The following DOT1L variants were observed in gnomAD, a reference collection of about 807,000 sequenced individuals.
DOT1L encodes the protein histone-lysine N-methyltransferase, H3 lysine-79 specific.
A neutral mutation model predicts 153.3 loss-of-function variants in DOT1L; 33 were observed. That is an observed-to-expected ratio of 0.22 (90% confidence interval 0.16 to 0.29). The LOEUF is 0.29. Among genes scored for constraint, DOT1L ranks in the 10% least tolerant of loss-of-function variants. DOT1L has a pLI of 1.00. For missense variants in DOT1L, 1,847 were observed against 2,119.9 expected, an observed-to-expected ratio of 0.87 and a Z score of 2.53; for synonymous variants, 1,135 against 965.1, an observed-to-expected ratio of 1.18 and a Z score of -3.26.
chr19:2,176,196 G>T (rs1324301436), intron 1 of DOT1L, among the ~76,000 whole-genome samples: 1 of 152,142 alleles, frequency 6.6e-6, no homozygotes, highest in Non-Finnish European at 1.5e-5. Flanking sequence ...ACCTGGTGAA[G>T]TCTGCACAAA....
chr19:2,214,463 C>T lies in DOT1L; in HGVS notation c.1798-8C>T, dbSNP rs1363136429. On this transcript the variant is annotated splice_region_variant and splice_polypyrimidine_tract_variant and intron_variant, in intron 18 of 27. Transcript: ENST00000398665. ...CCAGTCGCAACTGTCCCATCCCTAT[C>T]CCCTCAGCTCAAGGCTCGCTGCGAG... 1.2e-6 allele frequency: 2 copies of T among 1,612,368 alleles called. No individual in the cohort carries two copies. The highest frequency in any genetic ancestry group is 1.3e-5 in the African/African-American group (1 of 74,946).
intron 9 of DOT1L, among the ~76,000 whole-genome samples, chr19:2,205,549 A>G (rs1486112430): frequency 6.6e-6 from 1 of 152,118 alleles, no homozygotes; most frequent in Non-Finnish European, 1.5e-5. Flanking sequence ...TTTATCACTG[A>G]CAGTCAGTTA....
intron 2 of DOT1L, among the ~76,000 whole-genome samples, chr19:2,181,093 C>T (rs1179981448): frequency 1.3e-5 from 2 of 152,194 alleles, no homozygotes; most frequent in East Asian, 3.8e-4. Flanking sequence ...TGTCTGTGCC[C>T]CATGGGTGCA....
At chr19:2,165,251 C>T (rs1222074972) in intron 1 of DOT1L, among the ~76,000 whole-genome samples, 2 of 148,246 alleles carry the variant, frequency 1.3e-5, no homozygotes, top group Non-Finnish European at 3.0e-5. Flanking sequence ...CTGCAGGGCC[C>T]GGCCGGGCAT....
In DOT1L at chr19:2,217,205, G is replaced by A; in HGVS notation, c.2544+115G>A. On this transcript the variant is annotated intron_variant, in intron 21 of 27. Coordinates refer to ENST00000398665, the MANE Select transcript of DOT1L (RefSeq NM_032482.3). The surrounding 1 kb of genome is among the most constrained non-coding windows in gnomAD (Gnocchi z 7.3). ...GACCTTGGGGCACGGTGAGGTACTG[G>A]GGCTGACCTGGAGTAGGATGTTGTG... 4 of 1,364,234 alleles carry A rather than the reference G, an allele frequency of 2.9e-6. No individual in the cohort carries two copies. The highest frequency in any genetic ancestry group is 3.9e-6 in the Non-Finnish European group (4 of 1,035,042). The allele number at this position is 1,364,234 out of a possible 1,614,324, so 84.5% of individuals were successfully genotyped here.
intron 1 of DOT1L, among the ~76,000 whole-genome samples, chr19:2,178,511 G>A (rs1277635177): frequency 6.7e-6 from 1 of 148,556 alleles, no homozygotes; most frequent in African/African-American, 2.5e-5. Flanking sequence ...TCCGCTTCCC[G>A]GGTTCACGCC....
chr19:2,213,487 G>A, intron 16 of DOT1L, 52 bp from the exon 17 acceptor site: 2 of 1,581,804 alleles, frequency 1.3e-6, no homozygotes, highest in South Asian at 1.1e-5. Context: ...CTCCCTGTGG[G>A]CCCTCAGTCA....
At chr19:2,203,360 G>A (rs745975242) in intron 9 of DOT1L, among the ~76,000 whole-genome samples, 9 of 152,272 alleles carry the variant, frequency 5.9e-5, no homozygotes, top group African/African-American at 9.6e-5. Flanking sequence ...CTCGGCCCCC[G>A]CAAAGTTTTG....
intron 1 of DOT1L, 25 bp from the exon 2 acceptor site, chr19:2,180,661 GCTCACGGGGTGGAGGATGGCTCTGCGT>G (rs1398391262): frequency 8.7e-6 from 14 of 1,607,972 alleles, no homozygotes; most frequent in African/African-American, 1.3e-5. Context: ...AGAGCGATGG[GCTCACGGGGTGGAGGATGGCTCTGCGT>G]CTCAAACTTC....
rs778876235 is a variant in DOT1L, at chr19:2,220,143, C to T, written c.2727C>T (p.Asp909=). The change falls in exon 23 of 28, where the codon GAC becomes GAT. Residue 909 remains aspartate (D), a synonymous_variant. Transcript: ENST00000398665. This position sits in a 1 kb window ranked among gnomAD's most constrained non-coding sequence, Gnocchi z 4.5. ...STPSPVLQPR[D]PSSTLEKQIG... Reference sequence around the variant, plus strand: ...CCAGTCCCGTGCTGCAGCCCCGTGACCCCTCGTCCACACTTGAAAAGCAGA... The same window carrying T: ...CCAGTCCCGTGCTGCAGCCCCGTGATCCCTCGTCCACACTTGAAAAGCAGA... The T allele has an allele frequency of 3.1e-6, 5 of 1,613,166 alleles. No individual in the cohort carries two copies. The highest frequency in any genetic ancestry group is 2.7e-5 in the African/African-American group (2 of 74,880).
At chr19:2,164,417 C>G in intron 1 of DOT1L, 152 bp downstream of exon 1, 1 of 482,212 alleles carries the variant, frequency 2.1e-6, no homozygotes, top group Non-Finnish European at 3.2e-6. Flanking sequence ...CCCGTTGCTT[C>G]CCGGCCGAGG....
chr19:2,220,295 G>GCTGGGAGTGGAACAGGGCTTC lies in DOT1L; in HGVS notation c.2806+79_2806+99dup. The GCTGGGAGTGGAACAGGGCTTC allele has an allele frequency of 6.8e-7, 1 of 1,460,542 alleles. No individual in the cohort carries two copies. The highest frequency in any genetic ancestry group is 9.4e-7 in the Non-Finnish European group (1 of 1,068,012). 90.5% of individuals were successfully genotyped at this position (1,460,542 alleles called of 1,614,324 possible). A position where few individuals can be genotyped will look rare whatever the true frequency, so the allele number is the denominator to read the frequency against. On this transcript the variant is annotated intron_variant, in intron 23 of 27. Transcript: ENST00000398665. This position sits in a 1 kb window ranked among gnomAD's most constrained non-coding sequence, Gnocchi z 4.5. ...GCTCTTCAGGCAGGAGGGCTGGGTT[G>GCTGGGAGTGGAACAGGGCTTC]CTGGGAGTGGAACAGGGCTTCCTGG...
In DOT1L at chr19:2,180,611, T is replaced by C. The variant is rs568128579; in HGVS notation, c.82-102T>C. On this transcript the variant is annotated intron_variant, in intron 1 of 27. Transcript: ENST00000398665. The stretch of plus-strand genomic sequence containing the variant: ...CTTGGGAGCTGCACCAGTTGGGAAA[T>C]GAAGAGATGGGAAGTTGACGGCATC... The C allele has an allele frequency of 6.3e-6, 9 of 1,418,944 alleles. No individual in the cohort carries two copies. The African/African-American group carries it at 1.1e-4, about 18-fold the overall frequency. The allele number at this position is 1,418,944 out of a possible 1,614,324, so 87.9% of individuals were successfully genotyped here.
Position 2,230,733 on chromosome 19 carries a change from A to T in DOT1L, c.*941A>T. ...GATGGTATAATGCACAGTGAAGAGG[A>T]AAGAAAAGCGAGGGGAAAAAACCTT... On this transcript the variant is annotated 3_prime_UTR_variant, in exon 28 of 28. Transcript: ENST00000398665. 2.5e-6 allele frequency: 1 copy of T among 397,706 alleles called. No individual in the cohort carries two copies. The highest frequency in any genetic ancestry group is 4.4e-6 in the Non-Finnish European group (1 of 226,008). The allele number at this position is 397,706 out of a possible 1,614,324, so 24.6% of individuals were successfully genotyped here. A position where few individuals can be genotyped will look rare whatever the true frequency, so the allele number is the denominator to read the frequency against.
At chr19:2,215,951 T>A (rs1310295718) in intron 19 of DOT1L, 1 of 245,080 alleles carries the variant, frequency 4.1e-6, no homozygotes, top group Non-Finnish European at 7.8e-6. Context: ...TCGAGTGGCG[T>A]GTCCCTCCAC....
At chr19:2,192,142 C>G (rs1016234242) in intron 5 of DOT1L, among the ~76,000 whole-genome samples, 1 of 152,160 alleles carries the variant, frequency 6.6e-6, no homozygotes. Context: ...CACGTCTGCC[C>G]CCTTTCCACA....
Position 2,230,872 on chromosome 19 carries a change from C to G in DOT1L, c.*1080C>G, listed in dbSNP as rs541283017. The G allele has an allele frequency of 2.7e-4, 90 of 335,234 alleles. No homozygotes were observed. Among genetic ancestry groups the G allele is most frequent in the Non-Finnish European group, 4.3e-4 (81 of 186,262 alleles). The allele number at this position is 335,234 out of a possible 1,614,324, so 20.8% of individuals were successfully genotyped here. A position where few individuals can be genotyped will look rare whatever the true frequency, so the allele number is the denominator to read the frequency against. The stretch of plus-strand genomic sequence containing the variant: ...GCCGGCGCCCCTGCCTGCCCCACAT[C>G]CCTTCCTGTCAGGGCCACGCCTGGC... On this transcript the variant is annotated 3_prime_UTR_variant, in exon 28 of 28. Coordinates refer to ENST00000398665, the MANE Select transcript of DOT1L (RefSeq NM_032482.3).
rs894725074 is a variant in DOT1L, at chr19:2,230,357, G to C, written c.*565G>C. On this transcript the variant is annotated 3_prime_UTR_variant, in exon 28 of 28. Coordinates refer to ENST00000398665, the MANE Select transcript of DOT1L (RefSeq NM_032482.3). Reference sequence around the variant, plus strand: ...CCTGAGCCCCTTCCTGAGCGCCCTGGCGCCTGCCCTGAGCTCTTCACCTTT... The same window carrying C: ...CCTGAGCCCCTTCCTGAGCGCCCTGCCGCCTGCCCTGAGCTCTTCACCTTT... 7.8e-5 allele frequency: 32 copies of C among 411,330 alleles called. No homozygotes were observed. Among genetic ancestry groups the C allele is most frequent in the African/African-American group, 5.5e-4 (27 of 48,686 alleles). 25.5% of individuals were successfully genotyped at this position (411,330 alleles called of 1,614,324 possible). A position where few individuals can be genotyped will look rare whatever the true frequency, so the allele number is the denominator to read the frequency against.
intron 9 of DOT1L, among the ~76,000 whole-genome samples, chr19:2,203,839 C>T (rs1218905000): frequency 1.3e-5 from 2 of 152,218 alleles, no homozygotes; most frequent in Non-Finnish European, 2.9e-5. Flanking sequence ...CCACCAAGCC[C>T]TGCAGCAAGC....
Sources: gnomAD v4.1 joint callset for allele counts (sites outside exome capture counted in the v4.1 genomes callset) on GRCh38, gnomAD v4.1.1 for gene constraint, Gnocchi (gnomAD v3.1) non-coding constraint, MANE v1.5 for transcripts, NCBI Gene and HGNC (gene_info 2026-07-23, HGNC 2026-07-21) for gene names.